ALK: variants seen among roughly 807,000 people sequenced by gnomAD.
ALK encodes ALK tyrosine kinase receptor.
A neutral mutation model predicts 163.1 loss-of-function variants in ALK; 74 were observed. That is an observed-to-expected ratio of 0.45 (90% CI 0.38 to 0.55). The LOEUF (loss-of-function observed/expected upper bound fraction) is 0.55, where lower values mean the gene tolerates loss of function less well. Ranked by LOEUF, ALK falls within the 20% of genes least tolerant of loss-of-function variation. The pLI is 0.00. For missense variants in ALK, 2,063 were observed against 2,105.3 expected (o/e 0.98, Z 0.39); for synonymous variants, 960 against 843.2 (o/e 1.14, Z -2.40).
chr2:29,484,777 C>T (rs989983395), intron 4 of ALK, among the ~76,000 whole-genome samples: 65 of 152,082 alleles, frequency 4.3e-4, no homozygotes, highest in Non-Finnish European at 4.6e-4. Flanking sequence ...TTTATTTGTA[C>T]GTTATTCCTT....
In ALK at chr2:29,409,778, C is replaced by T. The variant is rs1046858395; in HGVS notation, c.1155-25919G>A. 3.3e-5 allele frequency among the ~76,000 whole-genome samples: 5 copies of T among 152,304 alleles called. No individual in the cohort carries two copies. In the East Asian group the frequency reaches 7.7e-4, roughly 24 times the overall value. ...TCCTTGATTCCTAGTGGGCTTCCCA[C>T]CTGCCTTCTTGCTCCCTTGGTGACC... On this transcript the variant is annotated intron_variant, in intron 4 of 28. Coordinates refer to ENST00000389048, the MANE Select transcript of ALK (RefSeq NM_004304.5).
chr2:29,705,166 C>T (rs895550796), intron 2 of ALK, among the ~76,000 whole-genome samples: 7 of 144,544 alleles, frequency 4.8e-5, no homozygotes, highest in African/African-American at 1.3e-4. Context: ...TGCAGTGAGC[C>T]GAGATTGTGC....
At chr2:29,390,623 A>T (rs946860408) in intron 4 of ALK, among the ~76,000 whole-genome samples, 4 of 152,168 alleles carry the variant, frequency 2.6e-5, no homozygotes, top group African/African-American at 9.7e-5. Context: ...CTTATCCTAC[A>T]GGGAAAAAAA....
chr2:29,869,682 C>A (rs939987187), intron 1 of ALK, among the ~76,000 whole-genome samples: 1 of 151,968 alleles, frequency 6.6e-6, no homozygotes, highest in Non-Finnish European at 1.5e-5. Flanking sequence ...TTACTTCTTG[C>A]AGGGAAAGGC....
At position 29,431,360 on chromosome 2, in the gene ALK, T is replaced by C. The variant is rs2148074334; in HGVS notation, c.1155-47501A>G. Among the ~76,000 whole-genome samples, 5 of 152,300 alleles carry C rather than the reference T, an allele frequency of 3.3e-5. No homozygotes were observed. In the Middle Eastern group the frequency reaches 0.017, roughly 518 times the overall value. On this transcript the variant is annotated intron_variant, in intron 4 of 28. Transcript: ENST00000389048. ...AGTGTGCAAGACAGAACATTCAGGC[T>C]AATGGGTTAAGGAGGAGATGGGAAT...
At chr2:29,891,149 A>T (rs1262718929) in intron 1 of ALK, among the ~76,000 whole-genome samples, 3 of 152,182 alleles carry the variant, frequency 2.0e-5, no homozygotes, top group Admixed American at 1.3e-4. Flanking sequence ...ATCAAATTGG[A>T]ATAGAGGAAA....
At chr2:29,449,615 A>C (rs899154075) in intron 4 of ALK, among the ~76,000 whole-genome samples, 2 of 152,152 alleles carry the variant, frequency 1.3e-5, no homozygotes, top group African/African-American at 4.8e-5. Context: ...AGCCCCTGGG[A>C]GGGGCCAGGG....
rs147410440 is a variant in ALK, at chr2:29,891,370, C to T, written c.667+28623G>A. On this transcript the variant is annotated intron_variant, in intron 1 of 28. Transcript: ENST00000389048. ...GGGTACAGGAGACCTAGAGAGGATG[C>T]CGGGTGACAATCTCTACTTACAGTA... 9.5e-3 allele frequency among the ~76,000 whole-genome samples: 1,442 copies of T among 152,212 alleles called. 24 individuals are homozygous for T. The highest frequency in any genetic ancestry group is 0.033 in the African/African-American group (1,387 of 41,534).
chr2:29,423,591 G>A (rs527370549), intron 4 of ALK, among the ~76,000 whole-genome samples: 3 of 152,264 alleles, frequency 2.0e-5, no homozygotes, highest in Admixed American at 6.5e-5. Flanking sequence ...GCAAATAATC[G>A]GAGCAATAAA....
At chr2:29,306,269 T>C (rs1666506408) in intron 8 of ALK, among the ~76,000 whole-genome samples, 1 of 152,242 alleles carries the variant, frequency 6.6e-6, no homozygotes, top group African/African-American at 2.4e-5. Flanking sequence ...ATTGAAGGCT[T>C]AGAGACGTTA....
At position 29,193,422 on chromosome 2, in the gene ALK, C is replaced by T. The variant is rs542234332; in HGVS notation, c.4665G>A (p.Leu1555=). 1.2e-6 allele frequency: 2 copies of T among 1,614,220 alleles called. No homozygotes were observed. The highest frequency in any genetic ancestry group is 2.2e-5 in the East Asian group (1 of 44,878). The change falls in exon 29 of 29, where the codon CTG becomes CTA. Residue 1555 remains leucine (L), a synonymous_variant. Transcript: ENST00000389048. The part of the protein sequence containing the change: ...VATGRLPGAS[L]LLEPSSLTAN... ...CAGTCAGCGAAGAGGGCTCTAGGAG[C>T]AGTGAGGCCCCCGGAAGTCTCCCAG... is the stretch of plus-strand genomic sequence containing the variant.
chr2:29,409,388 A>C (rs1669672838), intron 4 of ALK, among the ~76,000 whole-genome samples: 1 of 151,942 alleles, frequency 6.6e-6, no homozygotes, highest in South Asian at 2.1e-4. Flanking sequence ...TTCTGTGGGG[A>C]GGACTCTCAA....
At chr2:29,423,621 G>A (rs1670070738) in intron 4 of ALK, among the ~76,000 whole-genome samples, 1 of 152,230 alleles carries the variant, frequency 6.6e-6, no homozygotes, top group African/African-American at 2.4e-5. Context: ...AACTGCAGCA[G>A]CACAAGCTAA....
At chr2:29,481,878 T>G (rs1053319420) in intron 4 of ALK, among the ~76,000 whole-genome samples, 10 of 152,168 alleles carry the variant, frequency 6.6e-5, no homozygotes, top group African/African-American at 2.2e-4. Flanking sequence ...CAGAATGACT[T>G]TCTGTTTGAT....
chr2:29,824,405 A>T (rs1276425895), intron 1 of ALK, among the ~76,000 whole-genome samples: 1 of 152,106 alleles, frequency 6.6e-6, no homozygotes, highest in Non-Finnish European at 1.5e-5. Flanking sequence ...AGAATGGTAA[A>T]TCCACTGACA....
intron 1 of ALK, among the ~76,000 whole-genome samples, chr2:29,774,802 G>T (rs1433593180): frequency 6.6e-6 from 1 of 152,144 alleles, no homozygotes; most frequent in Non-Finnish European, 1.5e-5. Context: ...TTTCTGTTGA[G>T]TACATATGAC....
chr2:29,343,263 C>G (rs1046353798), intron 5 of ALK, among the ~76,000 whole-genome samples: 1 of 146,124 alleles, frequency 6.8e-6, no homozygotes, highest in Non-Finnish European at 1.5e-5. Flanking sequence ...GGCTGGAGTG[C>G]AGTGGCACGA....
chr2:29,658,402 C>T lies in ALK; in HGVS notation c.952+36448G>A, dbSNP rs369748056. Reference sequence around the variant, plus strand: ...CTGGGCTTCTCTTACCTCACCTGAACTAACTACCTGCATGGAAAGATGTTC... The same window carrying T: ...CTGGGCTTCTCTTACCTCACCTGAATTAACTACCTGCATGGAAAGATGTTC... On this transcript the variant is annotated intron_variant, in intron 3 of 28. Transcript: ENST00000389048. Among the ~76,000 whole-genome samples, 61 of 152,292 alleles carry T rather than the reference C, an allele frequency of 4.0e-4. 2 individuals are homozygous for T. The South Asian group carries it at 9.1e-3, about 23-fold the overall frequency.
rs568946593 is a variant in ALK at position 29,246,165 on chromosome 2, C to T, written c.2204+4940G>A. On this transcript the variant is annotated intron_variant, in intron 12 of 28. Transcript: ENST00000389048. The surrounding 1 kb of genome is among the most constrained non-coding windows in gnomAD (Gnocchi z 4.3). ...TGGGGAGGAGATGGGGGCAGGACTG[C>T]GGGCTGAGAAGGATGCTGGTCCTAG... Among the ~76,000 whole-genome samples the T allele has an allele frequency of 3.9e-3, 572 of 145,380 alleles. 3 individuals are homozygous for T. The highest frequency in any genetic ancestry group is 6.0e-3 in the Admixed American group (85 of 14,170).
Sources: gnomAD v4.1 joint callset for allele counts (sites outside exome capture counted in the v4.1 genomes callset) on GRCh38, gnomAD v4.1.1 for gene constraint, Gnocchi (gnomAD v3.1) non-coding constraint, MANE v1.5 for transcripts, NCBI Gene and HGNC (gene_info 2026-07-23, HGNC 2026-07-21) for gene names.